APC: variants seen among roughly 807,000 people sequenced by gnomAD.
APC encodes APC regulator of Wnt signaling pathway.
APC carries 72 observed loss-of-function variants against 247.0 expected under a neutral mutation model. The ratio of observed to expected loss-of-function variants is 0.29; its 90% CI spans 0.24 to 0.35. The LOEUF is 0.35. Among genes scored for constraint, APC ranks in the 10% least tolerant of loss-of-function variants. APC has a pLI of 1.00. For synonymous variants in APC, 1,254 were observed against 1,162.5 expected, an observed-to-expected ratio of 1.08 and a Z score of -1.60; for missense variants, 3,400 against 3,360.7, an observed-to-expected ratio of 1.01 and a Z score of -0.29.
rs876659760 is a variant in APC at position 112,842,170 on chromosome 5, A to G, written c.6576A>G (p.Lys2192=). 6.2e-7 allele frequency: 1 copy of G among 1,612,566 alleles called. No individual in the cohort carries two copies. Among genetic ancestry groups the G allele is most frequent in the Non-Finnish European group, 8.5e-7 (1 of 1,178,922 alleles). Reference sequence around the variant, plus strand: ...AAAGTAAAGGAATCAAAGGAGGAAAAAAAGTTTATAAAAGTTTGATTACTG... The same window carrying G: ...AAAGTAAAGGAATCAAAGGAGGAAAGAAAGTTTATAAAAGTTTGATTACTG... ...ESESKGIKGG[K]KVYKSLITGK... The change falls in exon 16 of 16, where the codon AAA becomes AAG. Residue 2192 remains lysine, a synonymous_variant. Transcript: ENST00000257430.
chr5:112,837,424 T>A lies in APC; in HGVS notation c.1959-129T>A, dbSNP rs146736865. ...TACATGAAATTAGAACAAAAGGAGATGTGGAATACTTGGAATTTATAGGAT... is the reference window on the plus strand; with the variant it reads ...TACATGAAATTAGAACAAAAGGAGAAGTGGAATACTTGGAATTTATAGGAT... On this transcript the variant is annotated intron_variant, in intron 15 of 15. Coordinates refer to ENST00000257430, the MANE Select transcript of APC (RefSeq NM_000038.6). 1,758 of 662,246 alleles carry A rather than the reference T, an allele frequency of 2.7e-3. 25 individuals are homozygous for A. The African/African-American group carries it at 0.028, about 11-fold the overall frequency. 41.0% of individuals were successfully genotyped at this position (662,246 alleles called of 1,614,324 possible).
chr5:112,750,163 A>G (rs1366826277), intron 1 of APC, among the ~76,000 whole-genome samples: 2 of 151,798 alleles, frequency 1.3e-5, no homozygotes, highest in Non-Finnish European at 2.9e-5. Flanking sequence ...GGGTTTCACC[A>G]TGTTGGCCAG....
Position 112,843,683 on chromosome 5 carries a change from T to A in APC, c.8089T>A (p.Ser2697Thr), listed in dbSNP as rs1388750461. 1 of 1,613,990 alleles carries A rather than the reference T, an allele frequency of 6.2e-7. No homozygotes were observed. The highest frequency in any genetic ancestry group is 1.1e-5 in the South Asian group (1 of 91,078). Residue 2697 changes from serine (S) to threonine (T), a missense_variant, in exon 16 of 16, where the codon TCA (serine) becomes ACA (threonine). Ser to Thr is a moderately conservative substitution (Grantham distance 58). Around this residue, in one of 9 missense-constraint regions of APC, gnomAD observed 1,788 missense variants for 1,649.5 expected, o/e 1.08. Coordinates refer to ENST00000257430, the MANE Select transcript of APC (RefSeq NM_000038.6). This position sits in a 1 kb window ranked among gnomAD's most constrained non-coding sequence, Gnocchi z 4.8. The part of the protein sequence containing the change: ...SEKANPNIKD[S>T]KDNQAKQNVG... ...AAAGGCAAATCCAAACATTAAAGATTCAAAAGATAATCAGGCAAAACAAAA... is the reference window on the plus strand; with the variant it reads ...AAAGGCAAATCCAAACATTAAAGATACAAAAGATAATCAGGCAAAACAAAA...
intron 2 of APC, among the ~76,000 whole-genome samples, chr5:112,764,271 G>T (rs1756019890): frequency 6.7e-6 from 1 of 149,666 alleles, no homozygotes; most frequent in Non-Finnish European, 1.5e-5. Flanking sequence ...AAAGAGACCT[G>T]ATCACAGCTG....
intron 6 of APC, 120 bp downstream of exon 6, chr5:112,781,023 C>T (rs150899856): frequency 1.3e-6 from 1 of 751,904 alleles, no homozygotes; most frequent in Non-Finnish European, 2.3e-6. Context: ...TATTTTGGCT[C>T]TATTTCAAAA....
At chr5:112,743,382 T>C (rs1753261923) in intron 1 of APC, among the ~76,000 whole-genome samples, 1 of 152,140 alleles carries the variant, frequency 6.6e-6, no homozygotes, top group Admixed American at 6.6e-5. Context: ...TTGGCCATCT[T>C]TGTGGGGCCA....
intron 4 of APC, among the ~76,000 whole-genome samples, chr5:112,775,288 T>C (rs1423806507): frequency 2.0e-5 from 3 of 152,210 alleles, no homozygotes; most frequent in African/African-American, 7.2e-5. Context: ...ATACTTTTTA[T>C]TCTTATATTA....
At chr5:112,796,363 A>G (rs562914937) in intron 7 of APC, among the ~76,000 whole-genome samples, 1 of 152,278 alleles carries the variant, frequency 6.6e-6, no homozygotes, top group Non-Finnish European at 1.5e-5. Flanking sequence ...AGAAAGAAAG[A>G]GTTCTTTCAA....
At chr5:112,835,391 G>GT (rs1442085420) in intron 15 of APC, among the ~76,000 whole-genome samples, 1 of 152,030 alleles carries the variant, frequency 6.6e-6, no homozygotes, top group African/African-American at 2.4e-5. Flanking sequence ...TAGTTGAGAG[G>GT]TGTAGCCCAT....
chr5:112,792,043 C>G lies in APC; in HGVS notation c.646-403C>G, dbSNP rs577888116. On this transcript the variant is annotated intron_variant, in intron 6 of 15. Coordinates refer to ENST00000257430, the MANE Select transcript of APC (RefSeq NM_000038.6). ...CAGGCGGATCACAAGGTCAGGACTT[C>G]GAGACCAGCCTGGCCAGTATGGTGA... 7.2e-5 allele frequency among the ~76,000 whole-genome samples: 11 copies of G among 152,216 alleles called. 1 individual carries two copies. The highest frequency in any genetic ancestry group is 5.2e-4 in the Admixed American group (8 of 15,294).
chr5:112,733,931 AAATT>A (rs939302030), upstream of APC, among the ~76,000 whole-genome samples: 1 of 152,198 alleles, frequency 6.6e-6, no homozygotes, highest in Admixed American at 6.5e-5. Context: ...GGTGAGAGGA[AAATT>A]AATTAAGATT....
chr5:112,711,895 A>C (rs1750874909), intron 1 of APC, among the ~76,000 whole-genome samples: 1 of 152,220 alleles, frequency 6.6e-6, no homozygotes, highest in South Asian at 2.1e-4. Flanking sequence ...AATAAAAAAA[A>C]AATTGCCACC....
chr5:112,751,917 A>G (rs1012215434), intron 1 of APC, among the ~76,000 whole-genome samples: 4 of 151,864 alleles, frequency 2.6e-5, no homozygotes, highest in African/African-American at 9.7e-5. Context: ...TTTATTCAGT[A>G]TTTTCAACAA....
At chr5:112,719,777 A>G (rs1054018330) in intron 1 of APC, among the ~76,000 whole-genome samples, 13 of 152,298 alleles carry the variant, frequency 8.5e-5, no homozygotes, top group African/African-American at 3.1e-4. Flanking sequence ...TCCTGACCTC[A>G]GGTGATCCTC....
At chr5:112,801,057 G>A (rs146698397) in intron 7 of APC, among the ~76,000 whole-genome samples, 116 of 152,160 alleles carry the variant, frequency 7.6e-4, no homozygotes, top group African/African-American at 2.5e-3. Context: ...CCTTTGTCTC[G>A]TGCAGCTCTA....
In APC at chr5:112,840,841, G is replaced by T. The variant is rs1397709973; in HGVS notation, c.5247G>T (p.Gln1749His). The T allele has an allele frequency of 9.3e-6, 15 of 1,614,088 alleles. No homozygotes were observed. Among genetic ancestry groups the T allele is most frequent in the Non-Finnish European group, 1.3e-5 (15 of 1,180,000 alleles). Residue 1749 changes from glutamine (Q) to histidine (H), a missense_variant, in exon 16 of 16, where the codon CAG (glutamine) becomes CAT (histidine). By Grantham distance (24) the Gln-to-His change is conservative (BLOSUM62 0). Around this residue, in one of 9 missense-constraint regions of APC, gnomAD observed 1,788 missense variants for 1,649.5 expected, o/e 1.08. Coordinates refer to ENST00000257430, the MANE Select transcript of APC (RefSeq NM_000038.6). The surrounding 1 kb of genome is among the most constrained non-coding windows in gnomAD (Gnocchi z 4.1). ...TCCGTGTGAAAAAGATAATGGACCA[G>T]GTCCAGCAAGCATCTGCGTCTTCTT... is the stretch of plus-strand genomic sequence containing the variant. Reference protein sequence around the residue: ...KPFRVKKIMDQVQQASASSSA... With the variant: ...KPFRVKKIMDHVQQASASSSA...
Position 112,843,119 on chromosome 5 carries a change from C to T in APC, c.7525C>T (p.Pro2509Ser), listed in dbSNP as rs1473460192. The T allele has an allele frequency of 5.0e-6, 8 of 1,613,930 alleles. 1 individual carries two copies. Among genetic ancestry groups the T allele is most frequent in the South Asian group, 4.4e-5 (4 of 91,084 alleles). The change falls in exon 16 of 16, where the codon CCT (proline) becomes TCT (serine). Residue 2509 changes from proline to serine, a missense_variant. Coordinates refer to ENST00000257430, the MANE Select transcript of APC (RefSeq NM_000038.6). The surrounding 1 kb of genome is among the most constrained non-coding windows in gnomAD (Gnocchi z 4.8). The stretch of plus-strand genomic sequence containing the variant: ...GGCTGGTGGATGGCGAAAACTCCCA[C>T]CTAATCTCAGTCCCACTATAGAGTA... ...VQAGGWRKLPPNLSPTIEYND... is the reference protein window; with the variant it reads ...VQAGGWRKLPSNLSPTIEYND...
At chr5:112,762,599 A>G (rs1048955317) in intron 2 of APC, among the ~76,000 whole-genome samples, 1 of 152,208 alleles carries the variant, frequency 6.6e-6, no homozygotes, top group Non-Finnish European at 1.5e-5. Context: ...CAAAATACTT[A>G]TGTACTGTGT....
At chr5:112,808,817 A>G (rs1251026425) in intron 8 of APC, among the ~76,000 whole-genome samples, 1 of 152,194 alleles carries the variant, frequency 6.6e-6, no homozygotes, top group Non-Finnish European at 1.5e-5. Context: ...ATAAATTGGT[A>G]GATTTCAGTA....
Sources: allele counts gnomAD v4.1 joint callset (sites outside exome capture counted in the v4.1 genomes callset), GRCh38; gene constraint gnomAD v4.1.1; regional missense constraint gnomAD v4.1.1; non-coding constraint Gnocchi (gnomAD v3.1); transcripts MANE v1.5; gene names NCBI Gene and HGNC (gene_info 2026-07-23, HGNC 2026-07-21).